Variants in TBX15 observed in about 807,000 individuals in gnomAD.
TBX15 encodes the protein T-box transcription factor 15.
Under a neutral mutation model 53.9 loss-of-function variants are expected in TBX15, and 18 were observed. The observed-to-expected ratio is 0.33, with a 90% CI of 0.23 to 0.49. The LOEUF is 0.49. Among genes scored for constraint, TBX15 ranks in the 20% least tolerant of loss-of-function variants. The pLI is 0.98. For missense variants in TBX15, 692 were observed against 749.5 expected (o/e 0.92, Z 0.90); for synonymous variants, 295 against 278.0 (o/e 1.06, Z -0.61).
At chr1:118,982,088 C>T (rs1657671019) in intron 1 of TBX15, among the ~76,000 whole-genome samples, 1 of 152,168 alleles carries the variant, frequency 6.6e-6, no homozygotes, top group African/African-American at 2.4e-5. Context: ...AGTAAGAAAG[C>T]AATAACCAGC....
chr1:118,883,607 A>G lies in TBX15; in HGVS notation c.*1125T>C, dbSNP rs1157589975. 6.6e-6 allele frequency: 1 copy of G among 152,032 alleles called. No individual in the cohort carries two copies. Among genetic ancestry groups the G allele is most frequent in the Non-Finnish European group, 1.5e-5 (1 of 68,048 alleles). The allele number at this position is 152,032 out of a possible 1,614,324, so 9.4% of individuals were successfully genotyped here. A position where few individuals can be genotyped will look rare whatever the true frequency, so the allele number is the denominator to read the frequency against. ...TTGGTATCATCTTCCGAGATTATAA[A>G]ACTATTCCTTCTTCACACCCTTTTA... On this transcript the variant is annotated 3_prime_UTR_variant, in exon 8 of 8. Coordinates refer to ENST00000369429, the MANE Select transcript of TBX15 (RefSeq NM_001330677.2).
intron 6 of TBX15, among the ~76,000 whole-genome samples, chr1:118,908,093 C>T (rs771580910): frequency 1.5e-4 from 23 of 152,174 alleles, no homozygotes; most frequent in Non-Finnish European, 3.2e-4. Context: ...TTCTTCCCTC[C>T]TTATGTGGTG....
chr1:118,949,158 G>A (rs1656436942), intron 1 of TBX15, among the ~76,000 whole-genome samples: 1 of 152,158 alleles, frequency 6.6e-6, no homozygotes, highest in Non-Finnish European at 1.5e-5. Flanking sequence ...GGACACAGGA[G>A]TCAGGAATAG....
chr1:118,893,356 GGAAAGAAAGAAA>G (rs200654722), intron 7 of TBX15, among the ~76,000 whole-genome samples: 3,007 of 50,876 alleles, frequency 0.059, 180 homozygotes, highest in Admixed American at 0.19. Flanking sequence ...AAGGAAGGAA[GGAAAGAAAGAAA>G]GAAAGAAAGA....
intron 1 of TBX15, among the ~76,000 whole-genome samples, chr1:118,940,242 A>C (rs1434595035): frequency 6.6e-6 from 1 of 151,950 alleles, no homozygotes; most frequent in Non-Finnish European, 1.5e-5. Flanking sequence ...GTACAAGGGC[A>C]GTTATATTCA....
At position 118,958,818 on chromosome 1, in the gene TBX15, C is replaced by G. The variant is rs760946268; in HGVS notation, c.206-26986G>C. Among the ~76,000 whole-genome samples the G allele has an allele frequency of 2.6e-5, 4 of 152,048 alleles. No individual in the cohort carries two copies. The East Asian group carries it at 7.7e-4, about 29-fold the overall frequency. ...CACTACCTCCTCTGCTTTCTGATGG[C>G]CTGGTTCAAAAGAAGAAAAATATTA... On this transcript the variant is annotated intron_variant, in intron 1 of 7. Transcript: ENST00000369429.
At chr1:118,887,633 C>G (rs575795435) in intron 7 of TBX15, among the ~76,000 whole-genome samples, 1 of 151,536 alleles carries the variant, frequency 6.6e-6, no homozygotes, top group African/African-American at 2.4e-5. Context: ...CAAGATAGTG[C>G]CATTGCACGC....
In TBX15 at chr1:118,883,117, C is replaced by G. The variant is rs191626254; in HGVS notation, c.*1615G>C. On this transcript the variant is annotated 3_prime_UTR_variant, in exon 8 of 8. Transcript: ENST00000369429. ...AGAAACAGAGTTCCGTGCATAAGGG[C>G]AAATTTTTGTACACCTTTTCTTCAT... 2.0e-5 allele frequency: 3 copies of G among 152,714 alleles called. No homozygotes were observed. The highest frequency in any genetic ancestry group is 3.4e-3 in the Middle Eastern group (1 of 294). The allele number at this position is 152,714 out of a possible 1,614,324, so 9.5% of individuals were successfully genotyped here. A position where few individuals can be genotyped will look rare whatever the true frequency, so the allele number is the denominator to read the frequency against.
intron 1 of TBX15, among the ~76,000 whole-genome samples, chr1:118,956,023 A>G (rs1292795446): frequency 6.6e-6 from 1 of 152,136 alleles, no homozygotes; most frequent in East Asian, 1.9e-4. Flanking sequence ...CCCTTATAAA[A>G]GAGGCCCCAG....
chr1:118,957,151 G>A (rs1205581433), intron 1 of TBX15, among the ~76,000 whole-genome samples: 2 of 152,160 alleles, frequency 1.3e-5, no homozygotes, highest in East Asian at 3.9e-4. Context: ...TTATTGTAAT[G>A]TTGGGTAAAA....
chr1:118,984,460 A>T (rs1657752257), intron 1 of TBX15, among the ~76,000 whole-genome samples: 1 of 152,264 alleles, frequency 6.6e-6, no homozygotes, highest in Non-Finnish European at 1.5e-5. Flanking sequence ...GCAGGGGCTG[A>T]GGTCCGAGCG....
intron 7 of TBX15, among the ~76,000 whole-genome samples, chr1:118,898,416 A>G (rs1042867087): frequency 2.6e-5 from 4 of 152,188 alleles, no homozygotes; most frequent in African/African-American, 9.6e-5. Flanking sequence ...AGGTTTCCCA[A>G]CCTGAGCTGC....
intron 1 of TBX15, among the ~76,000 whole-genome samples, chr1:118,939,436 ACAAAAAC>A (rs1656088973): frequency 1.4e-5 from 1 of 73,140 alleles, no homozygotes; most frequent in African/African-American, 5.8e-5. Context: ...AAAAAAAAAA[ACAAAAAC>A]AGGAACAGAA....
chr1:118,911,678 T>C (rs906574063), intron 6 of TBX15, among the ~76,000 whole-genome samples: 1 of 152,230 alleles, frequency 6.6e-6, no homozygotes, highest in Non-Finnish European at 1.5e-5. Flanking sequence ...TTTTCTGTTC[T>C]AAATCATGCC....
At chr1:118,977,032 A>T (rs1260239020) in intron 1 of TBX15, among the ~76,000 whole-genome samples, 2 of 152,188 alleles carry the variant, frequency 1.3e-5, no homozygotes, top group Non-Finnish European at 2.9e-5. Context: ...TTCTCAAGTA[A>T]TCCTTTAGTG....
Position 118,884,605 on chromosome 1 carries a change from GAAAAAAAAAA to G in TBX15, c.*117_*126del. ...GTTCTTGGGTATATGTCTTCGGCCA[GAAAAAAAAAA>G]AAAAAAAAAACACGGTTCCTGTTTT... On this transcript the variant is annotated 3_prime_UTR_variant, in exon 8 of 8. Coordinates refer to ENST00000369429, the MANE Select transcript of TBX15 (RefSeq NM_001330677.2). The G allele has an allele frequency of 1.3e-6, 1 of 768,346 alleles. No individual in the cohort carries two copies. Among genetic ancestry groups the G allele is most frequent in the East Asian group, 3.1e-5 (1 of 31,862 alleles). 47.6% of individuals were successfully genotyped at this position (768,346 alleles called of 1,614,324 possible).
chr1:118,884,667 A>T lies in TBX15; in HGVS notation c.*65T>A. 1 of 1,524,348 alleles carries T rather than the reference A, an allele frequency of 6.6e-7. No individual in the cohort carries two copies. The highest frequency in any genetic ancestry group is 9.1e-7 in the Non-Finnish European group (1 of 1,104,964). The allele number at this position is 1,524,348 out of a possible 1,614,324, so 94.4% of individuals were successfully genotyped here. ...CAAAGACACTGGACTCCCAAAGAGG[A>T]GGATCTGACCACGGAGACTCTGGGG... On this transcript the variant is annotated 3_prime_UTR_variant, in exon 8 of 8. Transcript: ENST00000369429.
At chr1:118,934,370 A>G (rs952421780) in intron 1 of TBX15, among the ~76,000 whole-genome samples, 2 of 152,192 alleles carry the variant, frequency 1.3e-5, no homozygotes, top group South Asian at 2.1e-4. Flanking sequence ...TCACATTACC[A>G]TAGGAGTTAA....
chr1:118,968,495 C>T (rs1344006266), intron 1 of TBX15, among the ~76,000 whole-genome samples: 1 of 152,232 alleles, frequency 6.6e-6, no homozygotes, highest in African/African-American at 2.4e-5. Context: ...GTGTGAACCA[C>T]TACGCCCAGC....
Sources: allele counts gnomAD v4.1 joint callset (sites outside exome capture counted in the v4.1 genomes callset), GRCh38; gene constraint gnomAD v4.1.1; transcripts MANE v1.5; gene names NCBI Gene and HGNC (gene_info 2026-07-23, HGNC 2026-07-21).